The following CTNNA1 variants were observed in gnomAD, a reference collection of about 807,000 sequenced individuals.
The protein encoded by CTNNA1 is catenin alpha 1.
Under a neutral mutation model 98.4 loss-of-function variants are expected in CTNNA1, and 37 were observed. The observed-to-expected ratio is 0.38, with a 90% confidence interval of 0.29 to 0.49. The LOEUF is 0.49. Ranked by LOEUF, CTNNA1 falls within the 20% of genes least tolerant of loss-of-function variation. The pLI is 0.95. For missense variants in CTNNA1, 761 were observed against 1,147.2 expected, an observed-to-expected ratio of 0.66 and a Z score of 4.86; for synonymous variants, 404 against 413.2, an observed-to-expected ratio of 0.98 and a Z score of 0.27.
At chr5:138,929,796 T>TTCAA (rs1301868716) in intron 14 of CTNNA1, among the ~76,000 whole-genome samples, 9 of 152,380 alleles carry the variant, frequency 5.9e-5, no homozygotes, top group African/African-American at 2.2e-4. Context: ...TCATTAAATC[T>TTCAA]TCAATCAATA....
intron 1 of CTNNA1, among the ~76,000 whole-genome samples, chr5:138,758,611 G>T (rs904312026): frequency 6.6e-6 from 1 of 152,036 alleles, no homozygotes; most frequent in African/African-American, 2.4e-5. Flanking sequence ...TCTTGACCTC[G>T]TGATCTGCCC....
In CTNNA1 at chr5:138,887,620, A is replaced by G; in HGVS notation, c.1274A>G (p.Glu425Gly). 6.2e-7 allele frequency: 1 copy of G among 1,610,976 alleles called. No individual in the cohort carries two copies. The highest frequency in any genetic ancestry group is 1.1e-5 in the South Asian group (1 of 90,070). ...AAGGAGTATGCCCAAGTTTTCCGTG[A>G]ACATGCCAACAAATTGATTGAGGTA... ...EVKEYAQVFR[E>G]HANKLIEVAN... The change falls in exon 9 of 18, where the codon GAA becomes GGA. Residue 425 changes from glutamate to glycine, a missense_variant. Physicochemically the swap from Glu to Gly is moderately conservative, Grantham distance 98. Transcript: ENST00000302763.
At chr5:138,773,944 C>T (rs1279762767) in intron 1 of CTNNA1, among the ~76,000 whole-genome samples, 6 of 152,090 alleles carry the variant, frequency 3.9e-5, no homozygotes, top group Admixed American at 2.6e-4. Context: ...AGTGCAGTGG[C>T]GTGATCTCAT....
chr5:138,934,120 G>A lies in CTNNA1; in HGVS notation c.*31G>A, dbSNP rs1059230. On this transcript the variant is annotated 3_prime_UTR_variant, in exon 18 of 18. Coordinates refer to ENST00000302763, the MANE Select transcript of CTNNA1 (RefSeq NM_001903.5). ...CCCAGGCCGGCCGCCCCCACCCCTCGGGGCTCCTGAATATCAGTCACTGTT... is the reference window on the plus strand; with the variant it reads ...CCCAGGCCGGCCGCCCCCACCCCTCAGGGCTCCTGAATATCAGTCACTGTT... The A allele has an allele frequency of 5.1e-6, 8 of 1,565,748 alleles. No individual in the cohort carries two copies. Among genetic ancestry groups the A allele is most frequent in the Admixed American group, 5.1e-5 (3 of 58,736 alleles).
intron 13 of CTNNA1, among the ~76,000 whole-genome samples, chr5:138,927,070 T>C (rs1199037200): frequency 6.6e-6 from 1 of 152,192 alleles, no homozygotes; most frequent in Non-Finnish European, 1.5e-5. Flanking sequence ...AACCTGAACA[T>C]GTTCTCACCC....
chr5:138,796,514 A>AGCCTGAGC (rs1436064903), intron 3 of CTNNA1, among the ~76,000 whole-genome samples: 1 of 151,200 alleles, frequency 6.6e-6, no homozygotes, highest in Non-Finnish European at 1.5e-5. Context: ...ACTGCACTCC[A>AGCCTGAGC]GCCTGAGCGA....
chr5:138,924,778 GC>G, intron 12 of CTNNA1, 68 bp downstream of exon 12: 1 of 1,367,004 alleles, frequency 7.3e-7, no homozygotes, highest in Non-Finnish European at 1.0e-6. Flanking sequence ...CACCCCATTA[GC>G]CCAGCCCTGT....
In CTNNA1 at chr5:138,808,939, A is replaced by C. The variant is rs144443629; in HGVS notation, c.302-1099A>C. On this transcript the variant is annotated intron_variant, in intron 3 of 17. Coordinates refer to ENST00000302763, the MANE Select transcript of CTNNA1 (RefSeq NM_001903.5). ...TAAATAATTTTAAGACACAAATGAC[A>C]GAAAGTATAAGTTTCACAAGTTTCT... Among the ~76,000 whole-genome samples the C allele has an allele frequency of 4.2e-3, 634 of 152,290 alleles. 3 individuals are homozygous for C. The highest frequency in any genetic ancestry group is 0.014 in the African/African-American group (569 of 41,560).
At chr5:138,782,359 T>C (rs775631777) in intron 2 of CTNNA1, 1 of 471,752 alleles carries the variant, frequency 2.1e-6, no homozygotes, top group Non-Finnish European at 4.2e-6. Flanking sequence ...TTAAGGTCTC[T>C]CACTCTGCTT....
intron 7 of CTNNA1, among the ~76,000 whole-genome samples, chr5:138,858,588 CTTTTTCTTTTTTT>C (rs1264493640): frequency 1.5e-5 from 1 of 66,818 alleles, no homozygotes; most frequent in African/African-American, 6.5e-5. Context: ...TTTTCTTTTT[CTTTTTCTTTTTTT>C]TTTTTTTTTT....
At chr5:138,761,881 A>G (rs995107395) in intron 1 of CTNNA1, 6 of 152,072 alleles carry the variant, frequency 3.9e-5, no homozygotes, top group South Asian at 2.1e-4. Context: ...GCAGCCTCCT[A>G]TGGAGCTGGG....
chr5:138,862,432 T>C (rs1021781651), intron 7 of CTNNA1, among the ~76,000 whole-genome samples: 4 of 152,202 alleles, frequency 2.6e-5, no homozygotes, highest in African/African-American at 7.2e-5. Context: ...TGTCCAAAGC[T>C]GAGACATCAA....
intron 7 of CTNNA1, among the ~76,000 whole-genome samples, chr5:138,842,423 T>C (rs1418084345): frequency 6.6e-6 from 1 of 152,248 alleles, no homozygotes; most frequent in African/African-American, 2.4e-5. Flanking sequence ...TGCTGAAAAA[T>C]AGCCGAAGCC....
At chr5:138,837,874 C>T (rs1347870652) in intron 7 of CTNNA1, among the ~76,000 whole-genome samples, 1 of 151,918 alleles carries the variant, frequency 6.6e-6, no homozygotes, top group Admixed American at 6.6e-5. Context: ...TCTGCCTGCC[C>T]CAGCCTCCCA....
intron 1 of CTNNA1, among the ~76,000 whole-genome samples, chr5:138,770,816 G>A (rs1264602818): frequency 1.3e-5 from 2 of 152,068 alleles, no homozygotes; most frequent in East Asian, 1.9e-4. Flanking sequence ...GCCGGGCTTG[G>A]TGGTGGGCGC....
At position 138,873,565 on chromosome 5, in the gene CTNNA1, C is replaced by T; in HGVS notation, c.1063-12647C>T. The T allele has an allele frequency of 6.2e-7, 1 of 1,613,974 alleles. No individual in the cohort carries two copies. Among genetic ancestry groups the T allele is most frequent in the Non-Finnish European group, 8.5e-7 (1 of 1,179,892 alleles). On this transcript the variant is annotated intron_variant, in intron 7 of 17. Transcript: ENST00000302763. The surrounding 1 kb of genome is among the most constrained non-coding windows in gnomAD (Gnocchi z 6.1). Reference sequence around the variant, plus strand: ...TGTGGCATAGGATGGAGTGTTCCCACCGACCTTGGAAACTGCCCAGCCAGG... The same window carrying T: ...TGTGGCATAGGATGGAGTGTTCCCATCGACCTTGGAAACTGCCCAGCCAGG...
intron 7 of CTNNA1, among the ~76,000 whole-genome samples, chr5:138,835,165 C>A (rs997933649): frequency 1.3e-5 from 2 of 152,120 alleles, no homozygotes; most frequent in African/African-American, 2.4e-5. Context: ...TGGCTATTTT[C>A]GCTTCTTTTG....
rs144904877 is a variant in CTNNA1 at position 138,827,158 on chromosome 5, G to A, written c.859-357G>A. On this transcript the variant is annotated intron_variant, in intron 6 of 17. Transcript: ENST00000302763. ...GCAGTTTTATATTCTGCAAGTAAGA[G>A]GTAACTTTTATTTTCCTTGTAATTC... Among the ~76,000 whole-genome samples the A allele has an allele frequency of 2.9e-3, 443 of 152,236 alleles. 3 individuals carry two copies. Among genetic ancestry groups the A allele is most frequent in the African/African-American group, 0.01 (416 of 41,526 alleles).
At position 138,827,508 on chromosome 5, in the gene CTNNA1, T is replaced by G. The variant is rs374326029; in HGVS notation, c.859-7T>G. 16 of 1,614,058 alleles carry G rather than the reference T, an allele frequency of 9.9e-6. No homozygotes were observed. The highest frequency in any genetic ancestry group is 2.7e-5 in the African/African-American group (2 of 74,956). ...AGTACTAACATTCGGTAATACTTTC[T>G]CTGCAGAAACAAATCATTGTGGACC... On this transcript the variant is annotated splice_polypyrimidine_tract_variant and splice_region_variant and intron_variant, in intron 6 of 17. Coordinates refer to ENST00000302763, the MANE Select transcript of CTNNA1 (RefSeq NM_001903.5).
Sources: gnomAD v4.1 joint callset for allele counts (sites outside exome capture counted in the v4.1 genomes callset) on GRCh38, gnomAD v4.1.1 for gene constraint, Gnocchi (gnomAD v3.1) non-coding constraint, MANE v1.5 for transcripts, NCBI Gene and HGNC (gene_info 2026-07-23, HGNC 2026-07-21) for gene names.